Variants in CERT1 observed in about 807,000 individuals in gnomAD.
CERT1 encodes the protein ceramide transfer protein.
A neutral mutation model predicts 87.9 loss-of-function variants in CERT1; 31 were observed. The observed-to-expected ratio is 0.35, with a 90% CI of 0.27 to 0.48. The LOEUF (loss-of-function observed/expected upper bound fraction) is 0.48, where lower values mean the gene tolerates loss of function less well. Ranked by LOEUF, CERT1 falls within the 20% of genes least tolerant of loss-of-function variation. CERT1 has a pLI of 0.99. For synonymous variants in CERT1, 289 were observed against 250.9 expected (o/e 1.15, Z -1.44); for missense variants, 487 against 758.0 (o/e 0.64, Z 4.20).
chr5:75,453,027 T>C (rs888405377), intron 3 of CERT1, among the ~76,000 whole-genome samples: 2 of 152,192 alleles, frequency 1.3e-5, no homozygotes, highest in African/African-American at 4.8e-5. Flanking sequence ...GAATAACTTT[T>C]TTCTGCAGGG....
chr5:75,379,384 C>T lies in CERT1; in HGVS notation c.1837G>A (p.Val613Ile), dbSNP rs376382310. Residue 613 changes from valine (V) to isoleucine (I), a missense_variant, in exon 17 of 17, where the codon GTC becomes ATC. Val to Ile is a conservative substitution (Grantham distance 29). Coordinates refer to ENST00000643780, the MANE Select transcript of CERT1 (RefSeq NM_001379029.1). ...PKFLKRFTSY[V>I]QEKTAGKPIL... ...GGCTTTCCTGCAGTTTTTTCTTGGA[C>T]GTAAGAAGTAAAACGTTTTAGAAAT... The T allele has an allele frequency of 5.6e-6, 9 of 1,613,592 alleles. No homozygotes were observed. Among genetic ancestry groups the T allele is most frequent in the Admixed American group, 1.7e-5 (1 of 59,974 alleles).
At chr5:75,368,620 T>C (rs546035024) in exon 18 of CERT1, 2 of 152,348 alleles carry the variant, frequency 1.3e-5, no homozygotes, top group South Asian at 4.1e-4. Flanking sequence ...TTGTTTGTAG[T>C]AGTGTTTTAT....
intron 9 of CERT1, chr5:75,401,843 T>G (rs1324591256): frequency 6.6e-6 from 1 of 152,224 alleles, no homozygotes; most frequent in South Asian, 2.1e-4. Flanking sequence ...AACTTTTCTA[T>G]GCAAATTCAT....
chr5:75,373,897 TG>T (rs1047283947), downstream of CERT1: 4 of 393,896 alleles, frequency 1.0e-5, no homozygotes, highest in Middle Eastern at 6.3e-4. Flanking sequence ...AATTCCTAGT[TG>T]TGATTCAAAG....
At chr5:75,392,275 T>C (rs1049200737) in intron 11 of CERT1, among the ~76,000 whole-genome samples, 1 of 152,236 alleles carries the variant, frequency 6.6e-6, no homozygotes, top group Admixed American at 6.5e-5. Context: ...AGCCATGCTG[T>C]ATAAAAACGT....
intron 2 of CERT1, among the ~76,000 whole-genome samples, chr5:75,505,010 G>A (rs1767586894): frequency 1.3e-5 from 2 of 152,166 alleles, no homozygotes; most frequent in Admixed American, 6.5e-5. Context: ...AAGTAGGCCA[G>A]GCGCGGTGGC....
rs753536103 is a variant in CERT1 at position 75,419,421 on chromosome 5, A to G, written c.599T>C (p.Val200Ala). The change falls in exon 6 of 17, where the codon GTA becomes GCA. Residue 200 changes from valine (V) to alanine (A), a missense_variant. By Grantham distance (64) the Val-to-Ala change is moderately conservative. Transcript: ENST00000643780. ...SKDELQRDKVVEDDEDDFPTT... is the reference protein window; with the variant it reads ...SKDELQRDKVAEDDEDDFPTT... ...AGGAAAGTCATCTTCATCATCTTCT[A>G]CCACTAAATAAAATATATTTAAGGA... 6.3e-7 allele frequency: 1 copy of G among 1,599,002 alleles called. No individual in the cohort carries two copies. Among genetic ancestry groups the G allele is most frequent in the Non-Finnish European group, 8.6e-7 (1 of 1,166,780 alleles).
chr5:75,496,499 C>T (rs997421935), intron 2 of CERT1, among the ~76,000 whole-genome samples: 33 of 152,108 alleles, frequency 2.2e-4, no homozygotes, highest in African/African-American at 8.0e-4. Context: ...TGAAAATATG[C>T]TTATGCAAAG....
intron 2 of CERT1, among the ~76,000 whole-genome samples, chr5:75,492,023 G>A (rs1039618619): frequency 1.3e-5 from 2 of 152,014 alleles, no homozygotes; most frequent in African/African-American, 2.4e-5. Flanking sequence ...TGTCATAGTT[G>A]CTCAGTCCTT....
At chr5:75,485,508 AAAT>A (rs539558809) in intron 2 of CERT1, among the ~76,000 whole-genome samples, 33 of 151,908 alleles carry the variant, frequency 2.2e-4, no homozygotes, top group Non-Finnish European at 4.0e-4. Flanking sequence ...TTAGCAGAAT[AAAT>A]AATAAACATC....
intron 8 of CERT1, chr5:75,410,800 T>G (rs1370627905): frequency 2.7e-5 from 9 of 335,450 alleles, no homozygotes; most frequent in Non-Finnish European, 1.1e-5. Context: ...TACTAAGCCT[T>G]TTGAAGCCTA....
chr5:75,467,452 T>C (rs1013003755), intron 2 of CERT1, among the ~76,000 whole-genome samples: 1 of 151,700 alleles, frequency 6.6e-6, no homozygotes. Flanking sequence ...ACTAGCCTGG[T>C]CAACATGGCG....
rs376623687 is a variant in CERT1, at chr5:75,379,220, A to G, written c.*126T>C. The G allele has an allele frequency of 2.2e-5, 19 of 862,322 alleles. No homozygotes were observed. The South Asian group carries it at 3.4e-4, about 16-fold the overall frequency. 53.4% of individuals were successfully genotyped at this position (862,322 alleles called of 1,614,324 possible). ...GACAACAACAAAAACCAACGAAACAATACTCTATAGGGGAACATCAAAAAA... is the reference window on the plus strand; with the variant it reads ...GACAACAACAAAAACCAACGAAACAGTACTCTATAGGGGAACATCAAAAAA... On this transcript the variant is annotated 3_prime_UTR_variant, in exon 17 of 17. Transcript: ENST00000643780.
In CERT1 at chr5:75,406,755, G is replaced by A. The variant is rs887091559; in HGVS notation, c.931-3697C>T. ...AGAGGGCGTTTCACCATGTTGGCCA[G>A]GCTGCTCTTGAACTCCTGACCTCAG... On this transcript the variant is annotated intron_variant, in intron 8 of 16. Transcript: ENST00000643780. Among the ~76,000 whole-genome samples the A allele has an allele frequency of 2.6e-5, 4 of 152,084 alleles. No individual in the cohort carries two copies. In the East Asian group the frequency reaches 5.8e-4, roughly 22 times the overall value.
intron 3 of CERT1, among the ~76,000 whole-genome samples, chr5:75,434,700 T>C (rs1430516828): frequency 6.6e-6 from 1 of 152,058 alleles, no homozygotes; most frequent in Non-Finnish European, 1.5e-5. Flanking sequence ...GTTCAGGATT[T>C]CATTTACTTC....
At chr5:75,504,366 TAG>T (rs1767554631) in intron 2 of CERT1, among the ~76,000 whole-genome samples, 1 of 152,160 alleles carries the variant, frequency 6.6e-6, no homozygotes, top group African/African-American at 2.4e-5. Context: ...TCTCTAAGAA[TAG>T]AGAGCGTAGT....
chr5:75,404,419 T>C (rs909878631), intron 8 of CERT1, among the ~76,000 whole-genome samples: 1 of 151,284 alleles, frequency 6.6e-6, no homozygotes, highest in African/African-American at 2.4e-5. Context: ...AAGAGGGTCA[T>C]GAAAAAATAG....
intron 12 of CERT1, among the ~76,000 whole-genome samples, chr5:75,386,463 C>CA: frequency 6.6e-6 from 1 of 152,322 alleles, no homozygotes; most frequent in African/African-American, 2.4e-5. Context: ...AATAGGCACT[C>CA]AGTTATTTGT....
chr5:75,502,861 G>A (rs756680227), intron 2 of CERT1, among the ~76,000 whole-genome samples: 4 of 152,032 alleles, frequency 2.6e-5, no homozygotes, highest in South Asian at 4.1e-4. Flanking sequence ...TCTACTATGC[G>A]GCAAATTTTG....
Sources: gnomAD v4.1 joint callset for allele counts (sites outside exome capture counted in the v4.1 genomes callset) on GRCh38, gnomAD v4.1.1 for gene constraint, MANE v1.5 for transcripts, NCBI Gene and HGNC (gene_info 2026-07-23, HGNC 2026-07-21) for gene names.